DSCAML1: variants seen among roughly 807,000 people sequenced by gnomAD.
DSCAML1 encodes cell adhesion molecule DSCAML1.
Under a neutral mutation model 200.5 loss-of-function variants are expected in DSCAML1, and 38 were observed. That is an observed-to-expected ratio of 0.19 (90% CI 0.15 to 0.25). The LOEUF (loss-of-function observed/expected upper bound fraction) is 0.25. Among genes scored for constraint, DSCAML1 ranks in the 10% least tolerant of loss-of-function variants. DSCAML1 has a pLI of 1.00. For synonymous variants in DSCAML1, 1,215 were observed against 1,165.0 expected (o/e 1.04, Z -0.87); for missense variants, 2,223 against 2,858.8 (o/e 0.78, Z 5.07).
chr11:117,747,837 TCC>T (rs2054542828), intron 3 of DSCAML1, among the ~76,000 whole-genome samples: 1 of 152,028 alleles, frequency 6.6e-6, no homozygotes. Context: ...GCCCTGAGGG[TCC>T]AGGGGAACCT....
intron 3 of DSCAML1, among the ~76,000 whole-genome samples, chr11:117,720,872 GT>G (rs1446476064): frequency 6.6e-6 from 1 of 152,150 alleles, no homozygotes; most frequent in Admixed American, 6.5e-5. Flanking sequence ...ACCATTACTA[GT>G]TAACCATCAT....
intron 3 of DSCAML1, among the ~76,000 whole-genome samples, chr11:117,694,721 AACC>A (rs1274626250): frequency 6.6e-6 from 1 of 152,232 alleles, no homozygotes; most frequent in Non-Finnish European, 1.5e-5. Flanking sequence ...CTTAGATGAG[AACC>A]CAGGGGAAGG....
intron 3 of DSCAML1, among the ~76,000 whole-genome samples, chr11:117,754,506 G>T (rs553535257): frequency 6.6e-6 from 1 of 151,932 alleles, no homozygotes; most frequent in African/African-American, 2.4e-5. Context: ...ATGGGGGAGC[G>T]GGGGGTGTGA....
At chr11:117,551,902 G>A (rs900285385) in intron 3 of DSCAML1, among the ~76,000 whole-genome samples, 1 of 152,118 alleles carries the variant, frequency 6.6e-6, no homozygotes, top group African/African-American at 2.4e-5. Flanking sequence ...TACAGGACAC[G>A]AGATGAGGAG....
chr11:117,722,213 GAA>G (rs1347228392), intron 3 of DSCAML1, among the ~76,000 whole-genome samples: 1 of 151,844 alleles, frequency 6.6e-6, no homozygotes, highest in African/African-American at 2.4e-5. Flanking sequence ...GTGGAAGCCA[GAA>G]GGCTTATGTC....
chr11:117,489,072 G>A lies in DSCAML1; in HGVS notation c.2360-6910C>T, dbSNP rs1304891291. ...TCTCCACTTTTCAAATGAGGAAACT[G>A]AGGCTTCCAGAAAGTGTTTCTTCCA... On this transcript the variant is annotated intron_variant, in intron 11 of 32. Coordinates refer to ENST00000651296, the MANE Select transcript of DSCAML1 (RefSeq NM_020693.4). This position sits in a 1 kb window ranked among gnomAD's most constrained non-coding sequence, Gnocchi z 4.8. 6.6e-6 allele frequency among the ~76,000 whole-genome samples: 1 copy of A among 152,234 alleles called. No homozygotes were observed. The highest frequency in any genetic ancestry group is 1.5e-5 in the Non-Finnish European group (1 of 68,050).
chr11:117,437,541 C>A lies in DSCAML1; in HGVS notation c.4433-132G>T. 8.7e-7 allele frequency: 1 copy of A among 1,152,634 alleles called. No homozygotes were observed. Among genetic ancestry groups the A allele is most frequent in the Non-Finnish European group, 1.2e-6 (1 of 815,432 alleles). 71.4% of individuals were successfully genotyped at this position (1,152,634 alleles called of 1,614,324 possible). A position where few individuals can be genotyped will look rare whatever the true frequency, so the allele number is the denominator to read the frequency against. On this transcript the variant is annotated intron_variant, in intron 25 of 32. Coordinates refer to ENST00000651296, the MANE Select transcript of DSCAML1 (RefSeq NM_020693.4). This position sits in a 1 kb window ranked among gnomAD's most constrained non-coding sequence, Gnocchi z 5.3. ...GCTCCAGGAGAATACATGTTTGGCA[C>A]AGATGGGGTGGGGAAGCCCCAGGGC...
At chr11:117,530,115 T>G (rs536136522) in intron 4 of DSCAML1, among the ~76,000 whole-genome samples, 2 of 152,218 alleles carry the variant, frequency 1.3e-5, no homozygotes, top group East Asian at 3.9e-4. Flanking sequence ...CCCATCTTCA[T>G]GCCCGCTTTT....
intron 32 of DSCAML1, among the ~76,000 whole-genome samples, chr11:117,430,034 T>G (rs2047753777): frequency 6.6e-6 from 1 of 152,224 alleles, no homozygotes; most frequent in South Asian, 2.1e-4. Context: ...TCAATTAGCA[T>G]GGCCAGTGCT....
chr11:117,638,323 T>A (rs1196933302), intron 3 of DSCAML1, among the ~76,000 whole-genome samples: 1 of 93,730 alleles, frequency 1.1e-5, no homozygotes, highest in Non-Finnish European at 2.3e-5. Flanking sequence ...CAAGTGTGTG[T>A]GTGTGTGTGT....
At chr11:117,442,103 G>T (rs940263665) in intron 21 of DSCAML1, among the ~76,000 whole-genome samples, 1 of 150,160 alleles carries the variant, frequency 6.7e-6, no homozygotes, top group Non-Finnish European at 1.5e-5. Flanking sequence ...AGTGCATGTT[G>T]TGTATGTGCA....
At chr11:117,812,878 A>G (rs2055772801) in intron 1 of DSCAML1, among the ~76,000 whole-genome samples, 2 of 151,404 alleles carry the variant, frequency 1.3e-5, no homozygotes, top group African/African-American at 4.8e-5. Context: ...AAACAACTTG[A>G]CCTTACTGTT....
chr11:117,428,455 C>T lies in DSCAML1; in HGVS notation c.6035G>A (p.Arg2012Gln), dbSNP rs1024856803. The T allele has an allele frequency of 2.5e-5, 38 of 1,513,118 alleles. 1 individual carries two copies. Among genetic ancestry groups the T allele is most frequent in the Non-Finnish European group, 3.1e-5 (35 of 1,130,676 alleles). The allele number at this position is 1,513,118 out of a possible 1,614,324, so 93.7% of individuals were successfully genotyped here. A position where few individuals can be genotyped will look rare whatever the true frequency, so the allele number is the denominator to read the frequency against. The change falls in exon 33 of 33, where the codon CGA becomes CAA. Residue 2012 changes from arginine (R) to glutamine (Q), a missense_variant. Transcript: ENST00000651296. ...CATTTTGGTGTGTGGGCCCCCGGCT[C>T]GTGGAGGCTCGGTGCTGGGGGCCGG... is the stretch of plus-strand genomic sequence containing the variant. ...APPAPSTEPP[R>Q]AGGPHTKMGG... is the part of the protein sequence containing the mutation.
chr11:117,659,027 G>A (rs2052788863), intron 3 of DSCAML1, among the ~76,000 whole-genome samples: 1 of 152,138 alleles, frequency 6.6e-6, no homozygotes, highest in Non-Finnish European at 1.5e-5. Context: ...CCTCTCCTCT[G>A]ACCCACGATT....
In DSCAML1 at chr11:117,505,519, T is replaced by A; in HGVS notation, c.1997A>T (p.Asn666Ile). The change falls in exon 9 of 33, where the codon AAC (asparagine) becomes ATC (isoleucine). Residue 666 changes from asparagine (N) to isoleucine (I), a missense_variant. Asn to Ile is a moderately radical substitution (Grantham distance 149). Coordinates refer to ENST00000651296, the MANE Select transcript of DSCAML1 (RefSeq NM_020693.4). The surrounding 1 kb of genome is among the most constrained non-coding windows in gnomAD (Gnocchi z 6.7). Reference sequence around the variant, plus strand: ...TGCGTTGCTGGCGATGCATGTATAGTTGCCGTTGTGCTTGAGGGAGACGCT... The same window carrying A: ...TGCGTTGCTGGCGATGCATGTATAGATGCCGTTGTGCTTGAGGGAGACGCT... ...ISSVSLKHNG[N>I]YTCIASNAAA... 6.2e-7 allele frequency: 1 copy of A among 1,613,394 alleles called. No homozygotes were observed. The highest frequency in any genetic ancestry group is 8.5e-7 in the Non-Finnish European group (1 of 1,180,002).
chr11:117,749,790 A>G (rs2054575565), intron 3 of DSCAML1, among the ~76,000 whole-genome samples: 1 of 152,234 alleles, frequency 6.6e-6, no homozygotes, highest in East Asian at 1.9e-4. Flanking sequence ...CATGAGATCC[A>G]AAGCACAGGA....
chr11:117,665,261 A>G (rs769949123), intron 3 of DSCAML1, among the ~76,000 whole-genome samples: 7 of 152,214 alleles, frequency 4.6e-5, no homozygotes, highest in Admixed American at 1.3e-4. Context: ...GGTGTCCCCA[A>G]GGGGACTGGA....
intron 3 of DSCAML1, among the ~76,000 whole-genome samples, chr11:117,695,315 C>CTTTTTTTTTTTTTTTTTTTTTTTTTT (rs753748981): frequency 1.7e-5 from 2 of 116,700 alleles, no homozygotes; most frequent in African/African-American, 6.4e-5. Context: ...CTTTCTTTTT[C>CTTTTTTTTTTTTTTTTTTTTTTTTTT]TTTTTTTTTT....
chr11:117,506,773 C>T (rs1342499261), intron 8 of DSCAML1, among the ~76,000 whole-genome samples: 4 of 152,050 alleles, frequency 2.6e-5, no homozygotes. Context: ...CCTCAAACTT[C>T]TGGTCTCAAG....
Sources: gnomAD v4.1 joint callset for allele counts (sites outside exome capture counted in the v4.1 genomes callset) on GRCh38, gnomAD v4.1.1 for gene constraint, Gnocchi (gnomAD v3.1) non-coding constraint, MANE v1.5 for transcripts, NCBI Gene and HGNC (gene_info 2026-07-23, HGNC 2026-07-21) for gene names.